CHAF1A: variants seen among roughly 807,000 people sequenced by gnomAD.
CHAF1A encodes the protein CAF-1 subunit A.
CHAF1A carries 5 observed loss-of-function variants against 93.2 expected under a neutral mutation model. That is an observed-to-expected ratio of 0.05 (90% CI 0.03 to 0.11). CHAF1A has a LOEUF of 0.11. Among genes scored for constraint, CHAF1A ranks in the 10% least tolerant of loss-of-function variants. The pLI is 1.00. For missense variants in CHAF1A, 1,102 were observed against 1,259.9 expected (o/e 0.87, Z 1.90); for synonymous variants, 504 against 510.3 (o/e 0.99, Z 0.17).
At chr19:4,436,279 C>CA (rs1161166657) in intron 13 of CHAF1A, among the ~76,000 whole-genome samples, 2 of 152,214 alleles carry the variant, frequency 1.3e-5, no homozygotes, top group East Asian at 3.9e-4. Flanking sequence ...CCTCAGCTGT[C>CA]ACAGCAGGAG....
intron 13 of CHAF1A, among the ~76,000 whole-genome samples, 184 bp from the exon 14 acceptor site, chr19:4,442,061 G>T (rs1974400506): frequency 6.6e-6 from 1 of 152,188 alleles, no homozygotes; most frequent in Admixed American, 6.5e-5. Flanking sequence ...CTCTGGTTGT[G>T]GCCTCTTGAA....
At chr19:4,435,668 C>T (rs180906088) in intron 13 of CHAF1A, among the ~76,000 whole-genome samples, 2 of 152,238 alleles carry the variant, frequency 1.3e-5, no homozygotes, top group East Asian at 3.9e-4. Context: ...CCGTGCCTGG[C>T]TCCCTGAGTT....
intron 7 of CHAF1A, among the ~76,000 whole-genome samples, chr19:4,427,539 A>T (rs1197902890): frequency 1.4e-5 from 2 of 147,550 alleles, no homozygotes; most frequent in Non-Finnish European, 3.0e-5. Context: ...CAGCCTCCTG[A>T]GTAGCTGGGA....
intron 7 of CHAF1A, among the ~76,000 whole-genome samples, chr19:4,426,128 T>G (rs543898168): frequency 4.4e-4 from 67 of 151,842 alleles, no homozygotes; most frequent in African/African-American, 1.5e-3. Flanking sequence ...TCATTCTCCG[T>G]GATATTTCGT....
At position 4,433,170 on chromosome 19, in the gene CHAF1A, C is replaced by T; in HGVS notation, c.2304C>T (p.Asn768=). Residue 768 remains asparagine (N), a synonymous_variant, in exon 13 of 15, where the codon AAC becomes AAT. Transcript: ENST00000301280. The surrounding 1 kb of genome is among the most constrained non-coding windows in gnomAD (Gnocchi z 5.6). ...QEHCRRGLLS[N]HTGSPRSPST... is the part of the protein sequence containing the mutation. Reference sequence around the variant, plus strand: ...ACTGCCGCCGGGGACTGCTCAGCAACCACACCGGCAGCCCGCGGAGCCCCT... The same window carrying T: ...ACTGCCGCCGGGGACTGCTCAGCAATCACACCGGCAGCCCGCGGAGCCCCT... 6.2e-7 allele frequency: 1 copy of T among 1,613,850 alleles called. No homozygotes were observed. The highest frequency in any genetic ancestry group is 1.1e-5 in the South Asian group (1 of 91,074).
Position 4,436,182 on chromosome 19 carries a change from A to C in CHAF1A, c.2673+2643A>C, listed in dbSNP as rs996869789. 1.1e-4 allele frequency among the ~76,000 whole-genome samples: 17 copies of C among 152,130 alleles called. No individual in the cohort carries two copies. The East Asian group carries it at 3.1e-3, about 28-fold the overall frequency. On this transcript the variant is annotated intron_variant, in intron 13 of 14. Coordinates refer to ENST00000301280, the MANE Select transcript of CHAF1A (RefSeq NM_005483.3). ...GAAAAGGTGGTCGTTAGGGGCAGGG[A>C]GGCGAGAGAAATGGCTCCTGAGATG...
At chr19:4,435,085 T>A (rs1357512777) in intron 13 of CHAF1A, among the ~76,000 whole-genome samples, 1 of 130,862 alleles carries the variant, frequency 7.6e-6, no homozygotes, top group Non-Finnish European at 1.6e-5. Flanking sequence ...TTCTTTTTTT[T>A]CCTTTTTTTT....
chr19:4,445,944 C>T (rs927615586), downstream of CHAF1A: 1 of 1,493,612 alleles, frequency 6.7e-7, no homozygotes, highest in South Asian at 1.3e-5. Flanking sequence ...GCCCAGGCCC[C>T]CTGCTCTGAG....
At position 4,423,397 on chromosome 19, in the gene CHAF1A, TAG is replaced by T. The variant is rs1974025030; in HGVS notation, c.1308+5_1308+6del. On this transcript the variant is annotated splice_donor_region_variant and intron_variant, in intron 6 of 14. Transcript: ENST00000301280. Reference sequence around the variant, plus strand: ...AAACGGTTAAGAGAAGAAGAGAAGGTAGAGTGTTTCCCACAGAGCTTCCCCGT... The same window carrying T: ...AAACGGTTAAGAGAAGAAGAGAAGGTAGTGTTTCCCACAGAGCTTCCCCGT... The T allele has an allele frequency of 1.9e-6, 3 of 1,613,202 alleles. No homozygotes were observed. The highest frequency in any genetic ancestry group is 2.7e-5 in the African/African-American group (2 of 74,838).
intron 14 of CHAF1A, 79 bp downstream of exon 14, chr19:4,442,420 TGCCTAAGACTA>T (rs1162598676): frequency 5.3e-5 from 62 of 1,180,026 alleles, no homozygotes; most frequent in Non-Finnish European, 7.5e-5. Context: ...GGGATGGGGC[TGCCTAAGACTA>T]GCTCCACTGT....
intron 13 of CHAF1A, among the ~76,000 whole-genome samples, chr19:4,437,945 G>A (rs1297610503): frequency 6.6e-6 from 1 of 152,052 alleles, no homozygotes; most frequent in African/African-American, 2.4e-5. Context: ...GTTTCACTGT[G>A]TTAGCCAGGA....
chr19:4,405,572 C>T (rs904252405), intron 1 of CHAF1A, among the ~76,000 whole-genome samples: 3 of 150,580 alleles, frequency 2.0e-5, no homozygotes, highest in African/African-American at 4.9e-5. Context: ...TGTGCCATTG[C>T]ACTCCAGCCT....
At chr19:4,412,974 C>A (rs542550757) in intron 3 of CHAF1A, among the ~76,000 whole-genome samples, 3 of 152,368 alleles carry the variant, frequency 2.0e-5, no homozygotes, top group African/African-American at 7.2e-5. Flanking sequence ...CTGAGAGAGA[C>A]TCCATCCCCA....
chr19:4,448,315 C>T (rs746295954), downstream of CHAF1A: 1 of 1,602,688 alleles, frequency 6.2e-7, no homozygotes, highest in Admixed American at 1.7e-5. Context: ...GCCACACGCT[C>T]ACTTGGCAAT....
At chr19:4,417,633 G>C (rs999452563) in intron 3 of CHAF1A, among the ~76,000 whole-genome samples, 6 of 151,878 alleles carry the variant, frequency 4.0e-5, no homozygotes, top group Non-Finnish European at 8.8e-5. Context: ...GCTAATTTTT[G>C]TATTTTTAGT....
chr19:4,423,678 C>T, intron 6 of CHAF1A, 128 bp from the exon 7 acceptor site: 1 of 1,037,524 alleles, frequency 9.6e-7, no homozygotes, highest in Non-Finnish European at 1.4e-6. Flanking sequence ...GTTTTGAGAG[C>T]TGAAAATCAC....
chr19:4,416,700 G>C (rs1973902780), intron 3 of CHAF1A, among the ~76,000 whole-genome samples: 1 of 152,224 alleles, frequency 6.6e-6, no homozygotes, highest in Admixed American at 6.5e-5. Context: ...GACCAGCCTG[G>C]CCAACATGAT....
At chr19:4,413,714 G>A (rs532831372) in intron 3 of CHAF1A, among the ~76,000 whole-genome samples, 1 of 152,160 alleles carries the variant, frequency 6.6e-6, no homozygotes, top group Non-Finnish European at 1.5e-5. Context: ...TCCGATACAG[G>A]TCCTGCTGTC....
At chr19:4,448,693 C>G, downstream of CHAF1A, 2 of 480,732 alleles carry the variant, frequency 4.2e-6, no homozygotes, top group South Asian at 4.4e-5. Flanking sequence ...CAGTGTGACG[C>G]GACAGAACTG....
Sources: gnomAD v4.1 joint callset for allele counts (sites outside exome capture counted in the v4.1 genomes callset) on GRCh38, gnomAD v4.1.1 for gene constraint, Gnocchi (gnomAD v3.1) non-coding constraint, MANE v1.5 for transcripts, NCBI Gene and HGNC (gene_info 2026-07-23, HGNC 2026-07-21) for gene names.